PTPN23: variants seen among roughly 807,000 people sequenced by gnomAD.
The protein encoded by PTPN23 is protein tyrosine phosphatase non-receptor type 23.
A neutral mutation model predicts 156.3 loss-of-function variants in PTPN23; 72 were observed. That is an observed-to-expected ratio of 0.46 (90% CI 0.38 to 0.56). The LOEUF (loss-of-function observed/expected upper bound fraction) is 0.56. Ranked by LOEUF, PTPN23 falls within the 20% of genes least tolerant of loss-of-function variation. The pLI, the probability that PTPN23 is intolerant of heterozygous loss-of-function variation, is 0.00. For missense variants in PTPN23, 1,974 were observed against 2,171.5 expected, an observed-to-expected ratio of 0.91 and a Z score of 1.81; for synonymous variants, 957 against 899.6, an observed-to-expected ratio of 1.06 and a Z score of -1.14.
chr3:47,407,417 T>G lies in PTPN23; in HGVS notation c.923+50T>G. On this transcript the variant is annotated intron_variant, in intron 11 of 24. Transcript: ENST00000265562. The surrounding 1 kb of genome is among the most constrained non-coding windows in gnomAD (Gnocchi z 4.0). ...TTCCCTCTTTTTGTGAAGGGTCTTG[T>G]CCCTCTGCTGGCATCTACATGGGAA... The G allele has an allele frequency of 6.2e-7, 1 of 1,610,738 alleles. No homozygotes were observed. The highest frequency in any genetic ancestry group is 1.1e-5 in the South Asian group (1 of 90,898).
At chr3:47,396,801 C>G (rs1205520282) in intron 2 of PTPN23, among the ~76,000 whole-genome samples, 9 of 152,116 alleles carry the variant, frequency 5.9e-5, no homozygotes, top group Non-Finnish European at 1.3e-4. Flanking sequence ...TGGTGCACAG[C>G]TATGTCCCCA....
At position 47,405,852 on chromosome 3, in the gene PTPN23, C is replaced by A; in HGVS notation, c.414+54C>A. ...TGGACATACCAGGGAGGGGCAGCCT[C>A]CCAAGTATGGATGAATCCTGACCCA... On this transcript the variant is annotated intron_variant, in intron 5 of 24. Transcript: ENST00000265562. The surrounding 1 kb of genome is among the most constrained non-coding windows in gnomAD (Gnocchi z 4.7). 1 of 1,594,422 alleles carries A rather than the reference C, an allele frequency of 6.3e-7. No individual in the cohort carries two copies. Among genetic ancestry groups the A allele is most frequent in the Non-Finnish European group, 8.6e-7 (1 of 1,168,922 alleles).
chr3:47,409,309 G>A lies in PTPN23; in HGVS notation c.1789G>A (p.Glu597Lys), dbSNP rs1386328189. The A allele has an allele frequency of 1.2e-6, 2 of 1,613,916 alleles. No homozygotes were observed. Among genetic ancestry groups the A allele is most frequent in the Non-Finnish European group, 1.7e-6 (2 of 1,180,010 alleles). Residue 597 changes from glutamate to lysine, a missense_variant, in exon 17 of 25, where the codon GAG (glutamate) becomes AAG (lysine). Transcript: ENST00000265562. Reference protein sequence around the residue: ...TASLVTTDHSEMKKLFEEQLK... With the variant: ...TASLVTTDHSKMKKLFEEQLK... ...CTCGCTGGTCACCACAGACCACTCA[G>A]AGATGAAGGTGGGCTGGGTGAGCAG...
intron 1 of PTPN23, among the ~76,000 whole-genome samples, chr3:47,385,597 G>A (rs1704637211): frequency 1.3e-5 from 2 of 152,138 alleles, no homozygotes; most frequent in South Asian, 4.1e-4. Context: ...AGGATCACTT[G>A]AACCCAGAGG....
chr3:47,381,903 C>A (rs907502469), intron 1 of PTPN23, among the ~76,000 whole-genome samples: 1 of 152,106 alleles, frequency 6.6e-6, no homozygotes, highest in Non-Finnish European at 1.5e-5. Context: ...CAAGGAACTT[C>A]TGTGGAGAGG....
Position 47,406,759 on chromosome 3 carries a change from C to T in PTPN23, c.807+9C>T, listed in dbSNP as rs370293084. On this transcript the variant is annotated intron_variant, in intron 9 of 24. Transcript: ENST00000265562. This position sits in a 1 kb window ranked among gnomAD's most constrained non-coding sequence, Gnocchi z 5.8. ...AGAAGTTCGGGGAGCGGGTGAGCTA[C>T]AGCGAGGAGGGGACTGGGGACCAAT... is the stretch of plus-strand genomic sequence containing the variant. 2.5e-6 allele frequency: 4 copies of T among 1,613,432 alleles called. No individual in the cohort carries two copies. The highest frequency in any genetic ancestry group is 3.4e-6 in the Non-Finnish European group (4 of 1,179,870).
rs368435091 is a variant in PTPN23, at chr3:47,403,310, C to G, written c.160-1342C>G. ...CTCGTGATCCTCCCGCCTCGGCCTC[C>G]GAAAGTGCTGGGATTACAGGCGTGA... On this transcript the variant is annotated intron_variant, in intron 2 of 24. Transcript: ENST00000265562. Among the ~76,000 whole-genome samples the G allele has an allele frequency of 2.9e-3, 444 of 152,148 alleles. 2 individuals carry two copies. The highest frequency in any genetic ancestry group is 0.01 in the African/African-American group (418 of 41,510).
chr3:47,382,680 C>CTTTTTTTTT (rs71098482), intron 1 of PTPN23, among the ~76,000 whole-genome samples: 2,740 of 58,608 alleles, frequency 0.047, 611 homozygotes, highest in East Asian at 0.068. Context: ...TTTTTCTTTT[C>CTTTTTTTTT]TTTTTTTTTT....
In PTPN23 at chr3:47,412,204, GGGT is replaced by G. The variant is rs1705321753; in HGVS notation, c.4178+9_4178+11del. The G allele has an allele frequency of 6.2e-7, 1 of 1,613,142 alleles. No homozygotes were observed. The highest frequency in any genetic ancestry group is 1.3e-5 in the African/African-American group (1 of 74,934). ...CCCATCATTGTGCACTGCAGGTAGA[GGGT>G]GGGCCTGAGGGTCTCTCCTCTATGG... is the stretch of plus-strand genomic sequence containing the variant. On this transcript the variant is annotated splice_region_variant and intron_variant, in intron 22 of 24. Coordinates refer to ENST00000265562, the MANE Select transcript of PTPN23 (RefSeq NM_015466.4).
In PTPN23 at chr3:47,410,927, G is replaced by A; in HGVS notation, c.3129G>A (p.Gln1043=). 1 of 1,603,068 alleles carries A rather than the reference G, an allele frequency of 6.2e-7. No individual in the cohort carries two copies. ...CTTTCCCCAGCCCTGGGCCCCCTCA[G>A]CCTCCCCATCCCCCACTGGCATATG... is the stretch of plus-strand genomic sequence containing the variant. ...ALPFPSPGPP[Q]PPHPPLAYGP... Residue 1043 remains glutamine, a synonymous_variant, in exon 20 of 25, where the codon CAG becomes CAA. Coordinates refer to ENST00000265562, the MANE Select transcript of PTPN23 (RefSeq NM_015466.4).
Position 47,411,610 on chromosome 3 carries a change from C to G in PTPN23, c.3812C>G (p.Ala1271Gly), listed in dbSNP as rs1434592047. The change falls in exon 20 of 25, where the codon GCT becomes GGT. Residue 1271 changes from alanine (A) to glycine (G), a missense_variant. By Grantham distance (60) the Ala-to-Gly change is moderately conservative. Transcript: ENST00000265562. This position sits in a 1 kb window ranked among gnomAD's most constrained non-coding sequence, Gnocchi z 6.3. Reference sequence around the variant, plus strand: ...CAGGCCCCACTGCCTGGCACAGCTGCTGACTTCTGGCTCATGGTCCATGAG... The same window carrying G: ...CAGGCCCCACTGCCTGGCACAGCTGGTGACTTCTGGCTCATGGTCCATGAG... ...ATQAPLPGTA[A>G]DFWLMVHEQK... 1.2e-6 allele frequency: 2 copies of G among 1,612,170 alleles called. No individual in the cohort carries two copies. Among genetic ancestry groups the G allele is most frequent in the Non-Finnish European group, 1.7e-6 (2 of 1,179,908 alleles).
intron 1 of PTPN23, among the ~76,000 whole-genome samples, chr3:47,384,455 CAAAAA>C (rs56896052): frequency 1.3e-5 from 1 of 78,478 alleles, no homozygotes; most frequent in African/African-American, 5.1e-5. Flanking sequence ...GAGACTGTCT[CAAAAA>C]AAAAAAAAAA....
Position 47,406,277 on chromosome 3 carries a change from C to T in PTPN23, c.547-48C>T, listed in dbSNP as rs757684830. 8.8e-6 allele frequency: 14 copies of T among 1,599,148 alleles called. No homozygotes were observed. The highest frequency in any genetic ancestry group is 1.3e-5 in the African/African-American group (1 of 74,562). On this transcript the variant is annotated intron_variant, in intron 6 of 24. Transcript: ENST00000265562. This position sits in a 1 kb window ranked among gnomAD's most constrained non-coding sequence, Gnocchi z 5.8. ...GGGGAAGGATAAAGGGAAGGGGAAG[C>T]GGGAGGCCTTGGGTGAGCGAGGGAG...
At chr3:47,398,846 T>A (rs115458817) in intron 2 of PTPN23, among the ~76,000 whole-genome samples, 1 of 152,358 alleles carries the variant, frequency 6.6e-6, no homozygotes, top group African/African-American at 2.4e-5. Context: ...ATTAAAGGCA[T>A]GAGCCGCAGC....
chr3:47,412,725 C>T lies in PTPN23; in HGVS notation c.4451C>T (p.Ser1484Phe), dbSNP rs925700613. The T allele has an allele frequency of 3.1e-6, 5 of 1,601,030 alleles. No homozygotes were observed. Among genetic ancestry groups the T allele is most frequent in the Non-Finnish European group, 4.3e-6 (5 of 1,171,508 alleles). The change falls in exon 25 of 25, where the codon TCC becomes TTC. Residue 1484 changes from serine to phenylalanine, a missense_variant. Physicochemically the swap from Ser to Phe is radical, Grantham distance 155. Transcript: ENST00000265562. ...TCTCAGAACCACCTTCCTCAGGACT[C>T]CCAGGACCTGGTCCTCGGTGGGGAT... ...ISQKNHLPQD[S>F]QDLVLGGDVP...
At chr3:47,397,891 G>T (rs1319975172) in intron 2 of PTPN23, among the ~76,000 whole-genome samples, 1 of 151,964 alleles carries the variant, frequency 6.6e-6, no homozygotes, top group East Asian at 1.9e-4. Flanking sequence ...GGCTGGTCTC[G>T]ACCTCCTGAC....
At chr3:47,389,711 GTGCCTGTAGTCCCAGC>G (rs1357597152) in intron 1 of PTPN23, among the ~76,000 whole-genome samples, 1 of 152,022 alleles carries the variant, frequency 6.6e-6, no homozygotes, top group Non-Finnish European at 1.5e-5. Flanking sequence ...GTGGTGGCGG[GTGCCTGTAGTCCCAGC>G]TGCTCAGGAG....
rs769916894 is a variant in PTPN23, at chr3:47,407,998, T to C, written c.1184+43T>C. 1 of 1,598,366 alleles carries C rather than the reference T, an allele frequency of 6.3e-7. No individual in the cohort carries two copies. Among genetic ancestry groups the C allele is most frequent in the Non-Finnish European group, 8.5e-7 (1 of 1,171,450 alleles). ...GCAGGGAGGCGGAGGCAGGCAGCAC[T>C]TCCCGGGCCTCTGGGGGCCCCAGGG... is the stretch of plus-strand genomic sequence containing the variant. On this transcript the variant is annotated intron_variant, in intron 14 of 24. Coordinates refer to ENST00000265562, the MANE Select transcript of PTPN23 (RefSeq NM_015466.4). This position sits in a 1 kb window ranked among gnomAD's most constrained non-coding sequence, Gnocchi z 4.0.
Position 47,410,215 on chromosome 3 carries a change from G to C in PTPN23, c.2417G>C (p.Arg806Thr), listed in dbSNP as rs773930292. 4.2e-5 allele frequency: 67 copies of C among 1,610,750 alleles called. No homozygotes were observed. The Admixed American group carries it at 1.1e-3, about 26-fold the overall frequency. ...YSGPTQLIQP[R>T]APGPHAMPVA... ...GGCCCCACCCAGCTGATACAGCCCA[G>C]GGCCCCAGGGCCCCATGCAATGCCC... The change falls in exon 20 of 25, where the codon AGG (arginine) becomes ACG (threonine). Residue 806 changes from arginine (R) to threonine (T), a missense_variant. Transcript: ENST00000265562.
Sources: allele counts gnomAD v4.1 joint callset (sites outside exome capture counted in the v4.1 genomes callset), GRCh38; gene constraint gnomAD v4.1.1; non-coding constraint Gnocchi (gnomAD v3.1); transcripts MANE v1.5; gene names NCBI Gene and HGNC (gene_info 2026-07-23, HGNC 2026-07-21).